Variants in ACSL6 observed in about 807,000 individuals in gnomAD.
ACSL6 encodes the protein long-chain-fatty-acid--CoA ligase 6.
A neutral mutation model predicts 98.2 loss-of-function variants in ACSL6; 47 were observed. The ratio of observed to expected loss-of-function variants is 0.48; its 90% CI spans 0.38 to 0.61. The LOEUF is 0.61. Ranked by LOEUF, ACSL6 falls within the 20% of genes least tolerant of loss-of-function variation. The pLI, the probability that ACSL6 is intolerant of heterozygous loss-of-function variation, is 0.00. For synonymous variants in ACSL6, 362 were observed against 336.9 expected (o/e 1.07, Z -0.82); for missense variants, 761 against 913.4 (o/e 0.83, Z 2.15).
At chr5:131,986,713 A>T in intron 8 of ACSL6, 109 bp downstream of exon 8, 5 of 1,351,944 alleles carry the variant, frequency 3.7e-6, no homozygotes, top group Non-Finnish European at 3.2e-6. Context: ...TGCACACAGG[A>T]GTTGCTTATT....
chr5:131,956,399 TCTG>T (rs1004941584), intron 20 of ACSL6, among the ~76,000 whole-genome samples: 4 of 152,186 alleles, frequency 2.6e-5, no homozygotes, highest in African/African-American at 7.2e-5. Context: ...ATAAAATAGT[TCTG>T]CCTGAGAAGA....
intron 17 of ACSL6, among the ~76,000 whole-genome samples, chr5:131,966,003 A>G (rs1344457451): frequency 6.6e-6 from 1 of 152,172 alleles, no homozygotes; most frequent in Non-Finnish European, 1.5e-5. Flanking sequence ...CCTGTCTCCA[A>G]GCTTTCCCCT....
chr5:132,005,671 C>G (rs1035359613), intron 1 of ACSL6, among the ~76,000 whole-genome samples: 1 of 152,352 alleles, frequency 6.6e-6, no homozygotes, highest in East Asian at 1.9e-4. Context: ...AAGGCTGGGA[C>G]AGGGGTGCGT....
intron 11 of ACSL6, among the ~76,000 whole-genome samples, chr5:131,974,574 C>G (rs999766777): frequency 6.6e-6 from 1 of 152,118 alleles, no homozygotes; most frequent in African/African-American, 2.4e-5. Context: ...TGGGGGCTTC[C>G]CTGGAACAAT....
At chr5:131,959,229 C>T (rs758386372) in intron 20 of ACSL6, among the ~76,000 whole-genome samples, 21 of 152,176 alleles carry the variant, frequency 1.4e-4, no homozygotes, top group Non-Finnish European at 2.4e-4. Context: ...ATAGGACTGT[C>T]GTCTTCGGTA....
intron 18 of ACSL6, among the ~76,000 whole-genome samples, chr5:131,961,363 A>G (rs1752696774): frequency 1.3e-5 from 2 of 152,082 alleles, no homozygotes; most frequent in Non-Finnish European, 2.9e-5. Flanking sequence ...AAATAATTTC[A>G]TAATATTTAT....
chr5:132,002,290 G>A (rs901831720), intron 1 of ACSL6, among the ~76,000 whole-genome samples: 2 of 152,180 alleles, frequency 1.3e-5, no homozygotes, highest in Non-Finnish European at 2.9e-5. Context: ...CTGGTGTCCC[G>A]GCCTCAGGAG....
At chr5:132,008,201 T>C (rs1755515164) in intron 1 of ACSL6, among the ~76,000 whole-genome samples, 1 of 152,202 alleles carries the variant, frequency 6.6e-6, no homozygotes, top group Admixed American at 6.5e-5. Flanking sequence ...TCTGTCCCAA[T>C]TCATAACTGC....
chr5:131,970,004 C>A, intron 15 of ACSL6, 124 bp downstream of exon 15: 2 of 795,334 alleles, frequency 2.5e-6, no homozygotes, highest in Non-Finnish European at 4.3e-6. Flanking sequence ...ATGTTTTTTT[C>A]TGTCTCTTTT....
chr5:131,985,773 G>A (rs1754145965), intron 8 of ACSL6, among the ~76,000 whole-genome samples: 1 of 152,222 alleles, frequency 6.6e-6, no homozygotes, highest in Non-Finnish European at 1.5e-5. Flanking sequence ...TTGGGCTGCA[G>A]TGGCCACATC....
At chr5:131,972,161 A>G (rs534962657) in intron 13 of ACSL6, among the ~76,000 whole-genome samples, 3 of 152,348 alleles carry the variant, frequency 2.0e-5, no homozygotes, top group Non-Finnish European at 4.4e-5. Context: ...ATTAATTTTC[A>G]TAACTAAAAA....
At chr5:131,996,717 C>G (rs976497779) in intron 1 of ACSL6, among the ~76,000 whole-genome samples, 3 of 152,218 alleles carry the variant, frequency 2.0e-5, no homozygotes, top group African/African-American at 7.2e-5. Flanking sequence ...CCAGATTAGC[C>G]AAGTCATCCA....
intron 11 of ACSL6, 174 bp downstream of exon 11, chr5:131,974,719 C>A (rs1381099609): frequency 6.3e-7 from 1 of 1,578,538 alleles, no homozygotes. Context: ...GTTATGGGTT[C>A]TAGGCACAGA....
intron 6 of ACSL6, chr5:131,988,437 C>A: frequency 7.1e-7 from 1 of 1,409,566 alleles, no homozygotes; most frequent in Non-Finnish European, 9.8e-7. Context: ...GGAACCTCCT[C>A]AAGCAGAGTC....
chr5:131,968,292 G>A (rs953159289), intron 15 of ACSL6: 2 of 393,322 alleles, frequency 5.1e-6, no homozygotes, highest in Non-Finnish European at 4.6e-6. Context: ...CAGCACCAAC[G>A]TGCACAGGGT....
In ACSL6 at chr5:131,972,806, G is replaced by C; in HGVS notation, c.1256C>G (p.Ala419Gly). Residue 419 changes from alanine (A) to glycine (G), a missense_variant, in exon 13 of 21, where the codon GCA becomes GGA. Ala to Gly is a moderately conservative substitution (Grantham distance 60). Coordinates refer to ENST00000651883, the MANE Select transcript of ACSL6 (RefSeq NM_001009185.3). ...PLKRWLLEFA[A>G]KRKQAEVRSG... ...CCGGACCTCGGCTTGCTTACGCTTTGCTGCAAACTCCAGGAGCCAGCGCTT... is the reference window on the plus strand; with the variant it reads ...CCGGACCTCGGCTTGCTTACGCTTTCCTGCAAACTCCAGGAGCCAGCGCTT... 1 of 1,614,188 alleles carries C rather than the reference G, an allele frequency of 6.2e-7. No homozygotes were observed. Among genetic ancestry groups the C allele is most frequent in the South Asian group, 1.1e-5 (1 of 91,090 alleles).
Position 131,960,538 on chromosome 5 carries a change from T to C in ACSL6, c.1941A>G (p.Ala647=), listed in dbSNP as rs1177231896. The C allele has an allele frequency of 1.2e-6, 2 of 1,613,850 alleles. No individual in the cohort carries two copies. The highest frequency in any genetic ancestry group is 1.7e-5 in the Admixed American group (1 of 59,972). ...AQKRGIEGTY[A]DLCTNKDLKK... Reference sequence around the variant, plus strand: ...TACCAACCTTATTTGTGCAGAGATCTGCATATGTTCCTTCAATTCCTCTCT... The same window carrying C: ...TACCAACCTTATTTGTGCAGAGATCCGCATATGTTCCTTCAATTCCTCTCT... Residue 647 remains alanine (A), a synonymous_variant, in exon 19 of 21, where the codon GCA becomes GCG. Coordinates refer to ENST00000651883, the MANE Select transcript of ACSL6 (RefSeq NM_001009185.3).
intron 20 of ACSL6, among the ~76,000 whole-genome samples, chr5:131,955,119 G>T (rs1247901403): frequency 6.6e-6 from 1 of 152,172 alleles, no homozygotes; most frequent in East Asian, 1.9e-4. Context: ...GAAATGGGAA[G>T]ATTGTTTTTG....
Position 131,985,448 on chromosome 5 carries a change from GGCT to G in ACSL6, c.872_874del (p.Gln291del). ...GAAACACACAATGGAGAGGTCATCAGGCTGCGGGGGCTGCAGGGGTGAGAAGAG... is the reference window on the plus strand; with the variant it reads ...GAAACACACAATGGAGAGGTCATCAGGCGGGGGCTGCAGGGGTGAGAAGAG... On this transcript the variant is annotated inframe_deletion, in exon 9 of 21. Coordinates refer to ENST00000651883, the MANE Select transcript of ACSL6 (RefSeq NM_001009185.3). 1 of 1,613,950 alleles carries G rather than the reference GGCT, an allele frequency of 6.2e-7. No homozygotes were observed. The highest frequency in any genetic ancestry group is 2.2e-5 in the East Asian group (1 of 44,866).
Sources: gnomAD v4.1 joint callset for allele counts (sites outside exome capture counted in the v4.1 genomes callset) on GRCh38, gnomAD v4.1.1 for gene constraint, MANE v1.5 for transcripts, NCBI Gene and HGNC (gene_info 2026-07-23, HGNC 2026-07-21) for gene names.